The following PRPF18 variants were observed in gnomAD, a reference collection of about 807,000 sequenced individuals.
The protein encoded by PRPF18 is pre-mRNA processing factor 18.
PRPF18 carries 38 observed loss-of-function variants against 46.5 expected under a neutral mutation model. The observed-to-expected ratio is 0.82, with a 90% CI of 0.63 to 1.07. PRPF18 has a LOEUF of 1.07. PRPF18 is among the 50% of genes least tolerant of loss of function. PRPF18 has a pLI of 0.00. For synonymous variants in PRPF18, 152 were observed against 146.7 expected (o/e 1.04, Z -0.26); for missense variants, 263 against 410.0 (o/e 0.64, Z 3.10).
downstream of PRPF18, chr10:13,631,651 G>T (rs2080590818): frequency 6.6e-6 from 1 of 152,368 alleles, no homozygotes; most frequent in South Asian, 2.1e-4. Flanking sequence ...TAGGGGCAGT[G>T]TGTCCTCACA....
the PRPF18 span, chr10:13,646,733 G>A: frequency 6.5e-6 from 1 of 152,754 alleles, no homozygotes; most frequent in Non-Finnish European, 1.5e-5. Context: ...AAGAGCGCCA[G>A]GGGACACACA....
chr10:13,632,850 T>C (rs1589142319), downstream of PRPF18: 2 of 152,216 alleles, frequency 1.3e-5, no homozygotes, highest in East Asian at 3.8e-4. Flanking sequence ...TTGTAGTTGT[T>C]TATAAAACAG....
the PRPF18 span, chr10:13,636,858 A>G: frequency 4.6e-5 from 7 of 152,226 alleles, no homozygotes; most frequent in Admixed American, 1.3e-4. Flanking sequence ...GGTTGTCAGC[A>G]TATTCACAGT....
Position 13,597,485 on chromosome 10 carries a change from G to T in PRPF18, c.94G>T (p.Glu32Ter), listed in dbSNP as rs1316044011. ...AAATAAAAAATATTTCAAGCGTAGT[G>T]AGCTCGCCAAAAAAGAAGAGGAAGC... ...VENKKYFKRS[E>*]LAKKEEEAYF... The change falls in exon 2 of 10, where the codon GAG (glutamate) becomes TAG (stop). Residue 32 changes from glutamate (E) to a stop codon, truncating the protein, a stop_gained. Coordinates refer to ENST00000378572, the MANE Select transcript of PRPF18 (RefSeq NM_003675.4). LOFTEE classifies it high-confidence loss of function. The T allele has an allele frequency of 6.2e-7, 1 of 1,608,662 alleles. No individual in the cohort carries two copies. The highest frequency in any genetic ancestry group is 1.7e-5 in the Admixed American group (1 of 59,532).
intron 9 of PRPF18, among the ~76,000 whole-genome samples, chr10:13,621,106 C>A (rs968852611): frequency 6.6e-6 from 1 of 152,146 alleles, no homozygotes; most frequent in Non-Finnish European, 1.5e-5. Context: ...CCAGATAGCT[C>A]TTGAAAAAGT....
chr10:13,650,980 G>A, the PRPF18 span: 2 of 152,304 alleles, frequency 1.3e-5, no homozygotes, highest in South Asian at 4.1e-4. Context: ...AAGTGTAGCA[G>A]TTTCTCATGC....
chr10:13,591,886 G>A lies in PRPF18; in HGVS notation c.66+4734G>A, dbSNP rs751633373. ...AGTGAGGATGATCAGAACGTTCCCC[G>A]GGGTAATGCTGGTTCGCAGTTTTCT... On this transcript the variant is annotated intron_variant, in intron 1 of 9. Coordinates refer to ENST00000378572, the MANE Select transcript of PRPF18 (RefSeq NM_003675.4). The A allele has an allele frequency of 4.9e-6, 7 of 1,423,272 alleles. No homozygotes were observed. The East Asian group carries it at 1.1e-4, about 23-fold the overall frequency. The allele number at this position is 1,423,272 out of a possible 1,614,324, so 88.2% of individuals were successfully genotyped here. A position where few individuals can be genotyped will look rare whatever the true frequency, so the allele number is the denominator to read the frequency against.
At chr10:13,616,841 A>G (rs2080349076) in intron 9 of PRPF18, among the ~76,000 whole-genome samples, 7 of 152,012 alleles carry the variant, frequency 4.6e-5, no homozygotes, top group Admixed American at 4.6e-4. Context: ...GACGTGTATT[A>G]GGAAGTAAAA....
chr10:13,611,475 T>C (rs971548792), intron 5 of PRPF18, 140 bp from the exon 6 acceptor site: 3 of 668,016 alleles, frequency 4.5e-6, no homozygotes, highest in South Asian at 4.2e-5. Flanking sequence ...TGGTTTCTTA[T>C]CTAGAAATTC....
At chr10:13,633,638 GCAGTTTC>G, downstream of PRPF18, among the ~76,000 whole-genome samples, 1 of 152,250 alleles carries the variant, frequency 6.6e-6, no homozygotes, top group Admixed American at 6.5e-5. Flanking sequence ...ACGAAGTGGG[GCAGTTTC>G]AATGAAAGGG....
At position 13,605,700 on chromosome 10, in the gene PRPF18, C is replaced by A; in HGVS notation, c.319C>A (p.Gln107Lys). ...TGGAGAGACTGATTATGATGCTTTT[C>A]AACGTTTAAGGAAAATAGAGATCCT... Reference protein sequence around the residue: ...LFGETDYDAFQRLRKIEILTP... With the variant: ...LFGETDYDAFKRLRKIEILTP... The change falls in exon 4 of 10, where the codon CAA (glutamine) becomes AAA (lysine). Residue 107 changes from glutamine (Q) to lysine (K), a missense_variant. By Grantham distance (53) the Gln-to-Lys change is moderately conservative. Transcript: ENST00000378572. 1 of 1,611,888 alleles carries A rather than the reference C, an allele frequency of 6.2e-7. No homozygotes were observed. Among genetic ancestry groups the A allele is most frequent in the African/African-American group, 1.3e-5 (1 of 74,698 alleles).
At chr10:13,587,429 C>A (rs1233945111) in intron 1 of PRPF18, among the ~76,000 whole-genome samples, 2 of 152,190 alleles carry the variant, frequency 1.3e-5, no homozygotes, top group African/African-American at 2.4e-5. Flanking sequence ...GGGGCGGGAA[C>A]CTGAGGCCAA....
chr10:13,604,569 A>G (rs1206718730), intron 3 of PRPF18, among the ~76,000 whole-genome samples: 1 of 152,206 alleles, frequency 6.6e-6, no homozygotes, highest in African/African-American at 2.4e-5. Flanking sequence ...ATTACAATGC[A>G]GACTGTCCAT....
At chr10:13,599,972 T>G (rs1023030704) in intron 2 of PRPF18, among the ~76,000 whole-genome samples, 2 of 152,208 alleles carry the variant, frequency 1.3e-5, no homozygotes, top group Admixed American at 1.3e-4. Context: ...CTGTTAAATT[T>G]GGATTTTGGA....
Position 13,587,043 on chromosome 10 carries a change from G to C in PRPF18, c.-44G>C. 2 of 1,599,228 alleles carry C rather than the reference G, an allele frequency of 1.3e-6. No homozygotes were observed. The highest frequency in any genetic ancestry group is 1.7e-6 in the Non-Finnish European group (2 of 1,166,470). ...CCGCCGGCCCAGTGAGGCTGGGTTC[G>C]AGGAGCTGGAGCGGGAAACTGGAGC... is the stretch of plus-strand genomic sequence containing the variant. On this transcript the variant is annotated 5_prime_UTR_variant, in exon 1 of 10. Transcript: ENST00000378572.
chr10:13,628,282 G>A (rs2080539976), intron 9 of PRPF18, among the ~76,000 whole-genome samples: 1 of 152,100 alleles, frequency 6.6e-6, no homozygotes, highest in Non-Finnish European at 1.5e-5. Flanking sequence ...TCACAGTCTT[G>A]TTTCTCTGAT....
chr10:13,611,774 G>T (rs539482721), intron 6 of PRPF18, 91 bp downstream of exon 6: 1 of 1,122,588 alleles, frequency 8.9e-7, no homozygotes. Context: ...AGGCTGGAAC[G>T]GGAAAGCCTC....
At chr10:13,654,811 G>T in the PRPF18 span, 1 of 460,484 alleles carries the variant, frequency 2.2e-6, no homozygotes, top group Non-Finnish European at 3.8e-6. Flanking sequence ...GCCACCAGGA[G>T]GTAGGCATAG....
chr10:13,617,546 G>GAA (rs66828303), intron 9 of PRPF18, among the ~76,000 whole-genome samples: 1,997 of 148,412 alleles, frequency 0.013, 22 homozygotes, highest in East Asian at 0.034. Flanking sequence ...GCTTTTAGCT[G>GAA]AAAAAAAAAA....
Sources: gnomAD v4.1 joint callset for allele counts (sites outside exome capture counted in the v4.1 genomes callset) on GRCh38, gnomAD v4.1.1 for gene constraint, MANE v1.5 for transcripts, NCBI Gene and HGNC (gene_info 2026-07-23, HGNC 2026-07-21) for gene names.